Variants in PLCB1 observed in about 807,000 individuals in gnomAD.
The protein encoded by PLCB1 is 1-phosphatidylinositol 4,5-bisphosphate phosphodiesterase beta-1.
PLCB1 carries 46 observed loss-of-function variants against 161.8 expected under a neutral mutation model. The ratio of observed to expected loss-of-function variants is 0.28; its 90% CI spans 0.22 to 0.36. PLCB1 has a LOEUF of 0.36. Among genes scored for constraint, PLCB1 ranks in the 10% least tolerant of loss-of-function variants. The pLI is 1.00. For synonymous variants in PLCB1, 517 were observed against 503.7 expected (o/e 1.03, Z -0.35); for missense variants, 1,016 against 1,472.5 (o/e 0.69, Z 5.07).
At position 8,714,090 on chromosome 20, in the gene PLCB1, G is replaced by A. The variant is rs550031180; in HGVS notation, c.1251-2174G>A. ...GTCAGGAAAAATGTCATCTACTTTG[G>A]CACATGCTGACTTACCTTAATCAAT... is the stretch of plus-strand genomic sequence containing the variant. On this transcript the variant is annotated intron_variant, in intron 12 of 31. Transcript: ENST00000338037. Among the ~76,000 whole-genome samples, 81 of 152,158 alleles carry A rather than the reference G, an allele frequency of 5.3e-4. 1 individual carries two copies. Among genetic ancestry groups the A allele is most frequent in the African/African-American group, 1.9e-3 (78 of 41,520 alleles).
chr20:8,872,473 G>A (rs1254607576), intron 31 of PLCB1, among the ~76,000 whole-genome samples: 1 of 152,184 alleles, frequency 6.6e-6, no homozygotes, highest in Non-Finnish European at 1.5e-5. Context: ...TGAGTGGTTT[G>A]TAATTTTGAA....
intron 3 of PLCB1, among the ~76,000 whole-genome samples, chr20:8,373,628 C>T (rs1444738648): frequency 6.6e-6 from 1 of 152,138 alleles, no homozygotes; most frequent in Non-Finnish European, 1.5e-5. Flanking sequence ...TTGAGCACCA[C>T]TGCCTTAACT....
intron 3 of PLCB1, among the ~76,000 whole-genome samples, chr20:8,617,739 C>T (rs1038206598): frequency 2.6e-5 from 4 of 152,022 alleles, no homozygotes; most frequent in African/African-American, 9.7e-5. Flanking sequence ...AATCTTAGGT[C>T]GAAGTGGAAT....
intron 3 of PLCB1, among the ~76,000 whole-genome samples, chr20:8,451,788 C>T (rs1981085407): frequency 6.6e-6 from 1 of 151,218 alleles, no homozygotes; most frequent in Non-Finnish European, 1.5e-5. Context: ...TCATTCTTTT[C>T]TTCCTTTGTT....
chr20:8,226,987 A>G (rs1283330698), intron 2 of PLCB1, among the ~76,000 whole-genome samples: 14 of 152,304 alleles, frequency 9.2e-5, no homozygotes, highest in Non-Finnish European at 4.4e-5. Context: ...GCGCCCGGCC[A>G]AGTAAAACCA....
At chr20:8,275,251 G>GTGTA (rs1982478662) in intron 2 of PLCB1, among the ~76,000 whole-genome samples, 1 of 492 alleles carries the variant, frequency 2.0e-3, no homozygotes, top group East Asian at 0.17. Context: ...ATCAGCGTGA[G>GTGTA]TGTGTGTGTG....
chr20:8,573,923 C>T (rs1186882793), intron 3 of PLCB1, among the ~76,000 whole-genome samples: 3 of 152,178 alleles, frequency 2.0e-5, no homozygotes. Flanking sequence ...TTGCAGCTAG[C>T]AGCTGATGGA....
chr20:8,351,340 C>A (rs887563232), intron 2 of PLCB1, among the ~76,000 whole-genome samples: 27 of 151,866 alleles, frequency 1.8e-4, no homozygotes, highest in African/African-American at 6.3e-4. Context: ...AAAATTAACT[C>A]AAAATGAGTC....
At chr20:8,193,509 G>A (rs1452500524) in intron 2 of PLCB1, among the ~76,000 whole-genome samples, 1 of 151,946 alleles carries the variant, frequency 6.6e-6, no homozygotes, top group Non-Finnish European at 1.5e-5. Context: ...AATCACATTT[G>A]CATATATTTG....
chr20:8,787,066 C>T (rs1983523128), intron 27 of PLCB1, among the ~76,000 whole-genome samples: 1 of 152,154 alleles, frequency 6.6e-6, no homozygotes, highest in East Asian at 1.9e-4. Flanking sequence ...TGTTGTAGGA[C>T]CCTATCCTTA....
At chr20:8,803,300 C>T (rs1036544097) in intron 31 of PLCB1, among the ~76,000 whole-genome samples, 9 of 151,986 alleles carry the variant, frequency 5.9e-5, no homozygotes, top group African/African-American at 1.9e-4. Flanking sequence ...TTCCAGGGAG[C>T]ACATTTTAAC....
At chr20:8,295,958 C>G (rs1243312657) in intron 2 of PLCB1, among the ~76,000 whole-genome samples, 1 of 151,972 alleles carries the variant, frequency 6.6e-6, no homozygotes, top group African/African-American at 2.4e-5. Context: ...AGCAATCCTC[C>G]CACCTCTACC....
At chr20:8,359,659 C>A (rs966996830) in intron 2 of PLCB1, among the ~76,000 whole-genome samples, 1 of 151,906 alleles carries the variant, frequency 6.6e-6, no homozygotes, top group Non-Finnish European at 1.5e-5. Context: ...ATATGTTTTC[C>A]CAGTAGTACT....
chr20:8,224,883 TCA>T (rs1335487249), intron 2 of PLCB1, among the ~76,000 whole-genome samples: 1 of 152,224 alleles, frequency 6.6e-6, no homozygotes, highest in Non-Finnish European at 1.5e-5. Context: ...ATACACGGAA[TCA>T]CAGTGTGTAC....
At chr20:8,812,532 G>A (rs1984877698) in intron 31 of PLCB1, among the ~76,000 whole-genome samples, 1 of 152,170 alleles carries the variant, frequency 6.6e-6, no homozygotes, top group South Asian at 2.1e-4. Flanking sequence ...GAGTGGACTT[G>A]GCCAGACTCT....
intron 2 of PLCB1, among the ~76,000 whole-genome samples, chr20:8,336,408 G>C (rs1209197642): frequency 6.6e-6 from 1 of 152,122 alleles, no homozygotes; most frequent in African/African-American, 2.4e-5. Flanking sequence ...TCTATGAATT[G>C]GGAGTATCTA....
At chr20:8,779,854 T>C (rs191763513) in intron 27 of PLCB1, among the ~76,000 whole-genome samples, 12 of 152,372 alleles carry the variant, frequency 7.9e-5, no homozygotes, top group African/African-American at 2.9e-4. Context: ...TATTATCTGT[T>C]GGTGACGAAG....
chr20:8,230,056 C>CAAAAAAAAAAAAAAAAAAAAAAAAA (rs547874616), intron 2 of PLCB1, among the ~76,000 whole-genome samples: 1 of 58,878 alleles, frequency 1.7e-5, no homozygotes, highest in Non-Finnish European at 3.7e-5. Context: ...GACTTGGCAG[C>CAAAAAAAAAAAAAAAAAAAAAAAAA]AAAAAAAAAA....
intron 31 of PLCB1, among the ~76,000 whole-genome samples, chr20:8,850,624 T>C (rs1986854214): frequency 7.5e-6 from 1 of 133,362 alleles, no homozygotes; most frequent in Admixed American, 8.4e-5. Context: ...CTTACCTCCA[T>C]GAATGGGGAT....
Sources: allele counts gnomAD v4.1 joint callset (sites outside exome capture counted in the v4.1 genomes callset), GRCh38; gene constraint gnomAD v4.1.1; transcripts MANE v1.5; gene names NCBI Gene and HGNC (gene_info 2026-07-23, HGNC 2026-07-21).